The following ISM1 variants were observed in gnomAD, a reference collection of about 807,000 sequenced individuals.
ISM1 encodes isthmin 1.
In ISM1, 25 loss-of-function variants were observed where a neutral mutation model predicts 46.3. The observed-to-expected ratio is 0.54, with a 90% CI of 0.39 to 0.75. The LOEUF (loss-of-function observed/expected upper bound fraction) is 0.75. Among genes scored for constraint, ISM1 ranks in the 30% least tolerant of loss-of-function variants. ISM1 has a pLI of 0.00. For synonymous variants in ISM1, 255 were observed against 256.7 expected (o/e 0.99, Z 0.06); for missense variants, 536 against 625.4 (o/e 0.86, Z 1.52).
At chr20:13,231,544 T>A (rs2039588292) in intron 1 of ISM1, among the ~76,000 whole-genome samples, 1 of 152,206 alleles carries the variant, frequency 6.6e-6, no homozygotes, top group Non-Finnish European at 1.5e-5. Context: ...CTGTGAGGCA[T>A]CAACTCCCTG....
chr20:13,249,321 G>A (rs1045989016), intron 1 of ISM1, among the ~76,000 whole-genome samples: 7 of 152,148 alleles, frequency 4.6e-5, no homozygotes, highest in Admixed American at 6.5e-5. Flanking sequence ...AGCCATTCCA[G>A]GCCAGCATCC....
chr20:13,279,532 C>T (rs2123281022), intron 2 of ISM1, 102 bp from the exon 3 acceptor site: 1 of 1,131,722 alleles, frequency 8.8e-7, no homozygotes, highest in Non-Finnish European at 1.3e-6. Context: ...ACAACGGATG[C>T]ATCCATCATT....
At chr20:13,312,946 T>C in the ISM1 span, among the ~76,000 whole-genome samples, 1 of 152,096 alleles carries the variant, frequency 6.6e-6, no homozygotes, top group East Asian at 1.9e-4. Flanking sequence ...TGCTTCACCT[T>C]ACCTACACCA....
intron 1 of ISM1, among the ~76,000 whole-genome samples, chr20:13,268,349 TCTCTC>T (rs2040072083): frequency 1.6e-3 from 1 of 634 alleles, no homozygotes. Flanking sequence ...TTCTTCTTCC[TCTCTC>T]TCTCTCTCTC....
At chr20:13,229,100 T>A (rs1222729286) in intron 1 of ISM1, among the ~76,000 whole-genome samples, 1 of 151,990 alleles carries the variant, frequency 6.6e-6, no homozygotes, top group Non-Finnish European at 1.5e-5. Context: ...TCCTTTTTTA[T>A]CTTCCTTTCC....
chr20:13,271,455 C>A (rs1047287391), intron 2 of ISM1, among the ~76,000 whole-genome samples: 2 of 152,146 alleles, frequency 1.3e-5, no homozygotes, highest in African/African-American at 2.4e-5. Context: ...CTTTACAAAG[C>A]AAATGTTGAT....
the ISM1 span, among the ~76,000 whole-genome samples, chr20:13,310,781 A>C: frequency 5.3e-5 from 8 of 152,238 alleles, no homozygotes; most frequent in Admixed American, 1.3e-4. Context: ...TCTCAAAAGA[A>C]GACATACAGA....
chr20:13,245,909 G>A (rs2039787178), intron 1 of ISM1, among the ~76,000 whole-genome samples: 1 of 151,990 alleles, frequency 6.6e-6, no homozygotes, highest in Non-Finnish European at 1.5e-5. Context: ...ACTATTCCTT[G>A]TACCCGCCCA....
chr20:13,262,120 T>A (rs566167829), intron 1 of ISM1, among the ~76,000 whole-genome samples: 1 of 152,336 alleles, frequency 6.6e-6, no homozygotes, highest in East Asian at 1.9e-4. Context: ...TCTGTTTTCT[T>A]TGCCGGTAAT....
At chr20:13,280,174 C>T (rs554771220) in intron 3 of ISM1, among the ~76,000 whole-genome samples, 5 of 152,194 alleles carry the variant, frequency 3.3e-5, no homozygotes, top group South Asian at 4.2e-4. Flanking sequence ...CTGCCTCCCC[C>T]GCCCCTCAAA....
chr20:13,257,625 C>T lies in ISM1; in HGVS notation c.139-12879C>T, dbSNP rs111285512. On this transcript the variant is annotated intron_variant, in intron 1 of 5. Transcript: ENST00000262487. ...TCACTATATCTATGGGTTTTGTTGA[C>T]GAGACCTGATTAACCCTAAAAAGTC... Among the ~76,000 whole-genome samples the T allele has an allele frequency of 1.9e-3, 287 of 151,786 alleles. 1 individual carries two copies. Among genetic ancestry groups the T allele is most frequent in the Middle Eastern group, 3.4e-3 (1 of 294 alleles).
At chr20:13,324,326 C>T in the ISM1 span, among the ~76,000 whole-genome samples, 1 of 152,126 alleles carries the variant, frequency 6.6e-6, no homozygotes, top group Non-Finnish European at 1.5e-5. Context: ...GGAACAATTG[C>T]CTTGCTAGCT....
intron 5 of ISM1, among the ~76,000 whole-genome samples, chr20:13,295,211 C>T (rs995227754): frequency 6.6e-6 from 1 of 152,198 alleles, no homozygotes; most frequent in African/African-American, 2.4e-5. Flanking sequence ...CTCTTCTGAT[C>T]CCACCTGCTG....
intron 1 of ISM1, among the ~76,000 whole-genome samples, 173 bp downstream of exon 1, chr20:13,222,087 G>A (rs918661992): frequency 6.6e-6 from 1 of 152,184 alleles, no homozygotes; most frequent in Non-Finnish European, 1.5e-5. Context: ...GGCGGAGCGG[G>A]GGCACGTGCC....
chr20:13,270,595 C>CA lies in ISM1; in HGVS notation c.231dup (p.His78ThrfsTer29). The CA allele has an allele frequency of 6.2e-7, 1 of 1,614,010 alleles. No individual in the cohort carries two copies. Among genetic ancestry groups the CA allele is most frequent in the Non-Finnish European group, 8.5e-7 (1 of 1,179,874 alleles). On this transcript the variant is annotated frameshift_variant, in exon 2 of 6. Coordinates refer to ENST00000262487, the MANE Select transcript of ISM1 (RefSeq NM_080826.2). LOFTEE classifies it high-confidence loss of function. ...AGGGAGCATCTGGACCACCAGGCTG[C>CA]ACACCAACCCTTCCCCAGACCGCGA... is the stretch of plus-strand genomic sequence containing the variant.
In ISM1 at chr20:13,279,866, G is replaced by A. The variant is rs759490671; in HGVS notation, c.611G>A (p.Arg204Gln). The change falls in exon 3 of 6, where the codon CGG becomes CAG. Residue 204 changes from arginine (R) to glutamine (Q), a missense_variant. Coordinates refer to ENST00000262487, the MANE Select transcript of ISM1 (RefSeq NM_080826.2). ...TGGGACCATACAGCCCCAGGCCACC[G>A]GACTTTTGAAACCAAAGATCAGCCA... is the stretch of plus-strand genomic sequence containing the variant. ...RGWDHTAPGH[R>Q]TFETKDQPEY... 9.9e-6 allele frequency: 16 copies of A among 1,613,770 alleles called. No individual in the cohort carries two copies. Among genetic ancestry groups the A allele is most frequent in the African/African-American group, 1.3e-5 (1 of 74,914 alleles).
intron 5 of ISM1, among the ~76,000 whole-genome samples, chr20:13,297,376 T>G (rs1176023919): frequency 6.6e-6 from 1 of 152,208 alleles, no homozygotes; most frequent in African/African-American, 2.4e-5. Context: ...ACTCGTTTGC[T>G]CCACACCCTG....
chr20:13,284,960 G>A (rs925171212), intron 3 of ISM1, among the ~76,000 whole-genome samples: 3 of 152,166 alleles, frequency 2.0e-5, no homozygotes, highest in Non-Finnish European at 4.4e-5. Flanking sequence ...GATTTTATGG[G>A]GTATTTGTAA....
At chr20:13,282,155 T>TTC (rs1555814536) in intron 3 of ISM1, among the ~76,000 whole-genome samples, 2 of 152,102 alleles carry the variant, frequency 1.3e-5, no homozygotes, top group African/African-American at 4.8e-5. Flanking sequence ...AATTTTTTTT[T>TTC]CAATCCCGAT....
Sources: gnomAD v4.1 joint callset for allele counts (sites outside exome capture counted in the v4.1 genomes callset) on GRCh38, gnomAD v4.1.1 for gene constraint, MANE v1.5 for transcripts, NCBI Gene and HGNC (gene_info 2026-07-23, HGNC 2026-07-21) for gene names.